RALYL: variants seen among roughly 807,000 people sequenced by gnomAD.
The protein encoded by RALYL is RNA-binding Raly-like protein.
Under a neutral mutation model 35.1 loss-of-function variants are expected in RALYL, and 29 were observed. The ratio of observed to expected loss-of-function variants is 0.83; its 90% CI spans 0.61 to 1.13. The LOEUF (loss-of-function observed/expected upper bound fraction) is 1.13. RALYL is among the 50% of genes most tolerant of loss of function. The pLI is 0.00. For synonymous variants in RALYL, 120 were observed against 127.6 expected, an observed-to-expected ratio of 0.94 and a Z score of 0.40; for missense variants, 359 against 360.4, an observed-to-expected ratio of 1.00 and a Z score of 0.03.
At chr8:84,268,562 A>G (rs1288874048) in intron 1 of RALYL, among the ~76,000 whole-genome samples, 1 of 152,208 alleles carries the variant, frequency 6.6e-6, no homozygotes, top group Admixed American at 6.5e-5. Context: ...TTTCTGTTTC[A>G]CCAAAACACA....
intron 2 of RALYL, among the ~76,000 whole-genome samples, chr8:84,549,406 G>A (rs2060571371): frequency 1.3e-5 from 2 of 152,082 alleles, no homozygotes; most frequent in African/African-American, 4.8e-5. Context: ...AGACTTGAGG[G>A]TCATCTTTTT....
intron 7 of RALYL, among the ~76,000 whole-genome samples, chr8:84,884,914 G>C (rs548829261): frequency 6.6e-6 from 1 of 152,092 alleles, no homozygotes; most frequent in African/African-American, 2.4e-5. Context: ...GAGCGGTTTA[G>C]ATGATGTGTA....
intron 1 of RALYL, among the ~76,000 whole-genome samples, chr8:84,255,142 T>A (rs1830977525): frequency 6.6e-6 from 1 of 152,076 alleles, no homozygotes; most frequent in Non-Finnish European, 1.5e-5. Flanking sequence ...GTCTTAATTA[T>A]TTAAAAAAAC....
At chr8:84,635,123 C>T (rs1239666664) in intron 2 of RALYL, among the ~76,000 whole-genome samples, 2 of 151,774 alleles carry the variant, frequency 1.3e-5, no homozygotes, top group African/African-American at 4.8e-5. Flanking sequence ...TGAACATTTA[C>T]AGTGCGTTAA....
At chr8:84,712,342 T>A (rs957844659) in intron 2 of RALYL, among the ~76,000 whole-genome samples, 1 of 152,128 alleles carries the variant, frequency 6.6e-6, no homozygotes. Context: ...CGATACAGAT[T>A]GACCTTAAAT....
chr8:84,409,178 A>G (rs560691577), intron 1 of RALYL, among the ~76,000 whole-genome samples: 1 of 152,236 alleles, frequency 6.6e-6, no homozygotes, highest in South Asian at 2.1e-4. Context: ...AACGTTTGAA[A>G]GTATGCTAAA....
At chr8:84,537,734 A>G (rs1237878870) in intron 2 of RALYL, among the ~76,000 whole-genome samples, 1 of 152,194 alleles carries the variant, frequency 6.6e-6, no homozygotes, top group African/African-American at 2.4e-5. Context: ...TTAAAAAATT[A>G]TCTTTCCAGC....
chr8:84,635,872 T>C (rs28470202), intron 2 of RALYL, among the ~76,000 whole-genome samples: 4,404 of 151,842 alleles, frequency 0.029, 100 homozygotes, highest in Middle Eastern at 0.068. Context: ...ACCATTAACT[T>C]CATGCTTTAT....
intron 1 of RALYL, among the ~76,000 whole-genome samples, chr8:84,464,637 G>C (rs369701154): frequency 4.6e-5 from 7 of 151,556 alleles, no homozygotes; most frequent in South Asian, 4.2e-4. Context: ...ATGATTTATA[G>C]TCCTTTGGGT....
At chr8:84,462,518 T>C (rs2133414566) in intron 1 of RALYL, among the ~76,000 whole-genome samples, 1 of 151,760 alleles carries the variant, frequency 6.6e-6, no homozygotes, top group South Asian at 2.1e-4. Flanking sequence ...TATAAGAGTT[T>C]TATACTTTTG....
intron 4 of RALYL, among the ~76,000 whole-genome samples, chr8:84,827,665 T>C (rs1041481194): frequency 1.3e-5 from 2 of 152,082 alleles, no homozygotes; most frequent in Non-Finnish European, 2.9e-5. Flanking sequence ...AATTTTATGG[T>C]ATGACAAATC....
chr8:84,308,989 A>G (rs940526806), intron 1 of RALYL, among the ~76,000 whole-genome samples: 17 of 151,810 alleles, frequency 1.1e-4, no homozygotes, highest in Non-Finnish European at 2.9e-5. Flanking sequence ...ATAATTACTA[A>G]TTGACATAAA....
intron 1 of RALYL, among the ~76,000 whole-genome samples, chr8:84,391,474 T>A (rs186105394): frequency 1.6e-4 from 25 of 152,170 alleles, no homozygotes; most frequent in Non-Finnish European, 2.5e-4. Flanking sequence ...AAAGTCAAAA[T>A]CTGATTTGTC....
intron 2 of RALYL, among the ~76,000 whole-genome samples, chr8:84,606,174 A>G (rs1321831900): frequency 6.6e-6 from 1 of 152,112 alleles, no homozygotes; most frequent in Admixed American, 6.6e-5. Context: ...ACTCTCATAC[A>G]CACATCAAGT....
intron 4 of RALYL, among the ~76,000 whole-genome samples, chr8:84,845,810 T>C (rs182128576): frequency 8.8e-4 from 134 of 152,292 alleles, no homozygotes; most frequent in African/African-American, 3.2e-3. Context: ...CTATCTTGAG[T>C]CAGTTTTTGT....
At chr8:84,379,341 G>A (rs1326259915) in intron 1 of RALYL, among the ~76,000 whole-genome samples, 1 of 151,854 alleles carries the variant, frequency 6.6e-6, no homozygotes, top group Non-Finnish European at 1.5e-5. Context: ...AAATGCAGTG[G>A]TTTATGTTCC....
At chr8:84,570,312 T>C (rs1488038204) in intron 2 of RALYL, among the ~76,000 whole-genome samples, 1 of 151,460 alleles carries the variant, frequency 6.6e-6, no homozygotes, top group African/African-American at 2.4e-5. Flanking sequence ...GTTGGTTAAA[T>C]GTATTCTAAA....
chr8:84,315,158 G>C (rs181288330), intron 1 of RALYL, among the ~76,000 whole-genome samples: 195 of 152,268 alleles, frequency 1.3e-3, no homozygotes, highest in Non-Finnish European at 2.6e-3. Flanking sequence ...CAATAAGCCA[G>C]AGGTTAAATA....
intron 1 of RALYL, among the ~76,000 whole-genome samples, chr8:84,217,772 A>G (rs903639438): frequency 2.0e-5 from 3 of 152,148 alleles, no homozygotes; most frequent in Non-Finnish European, 4.4e-5. Context: ...TGCCTTTAAT[A>G]TGATCTGCAT....
Sources: allele counts gnomAD v4.1 joint callset (sites outside exome capture counted in the v4.1 genomes callset), GRCh38; gene constraint gnomAD v4.1.1; transcripts MANE v1.5; gene names NCBI Gene and HGNC (gene_info 2026-07-23, HGNC 2026-07-21).